The following DNAH8 variants were observed in gnomAD, a reference collection of about 807,000 sequenced individuals.
DNAH8 encodes dynein axonemal heavy chain 8, also known as axonemal beta dynein heavy chain 8.
In DNAH8, 382 loss-of-function variants were observed where a neutral mutation model predicts 562.1. The ratio of observed to expected loss-of-function variants is 0.68; its 90% CI spans 0.63 to 0.74. The LOEUF (loss-of-function observed/expected upper bound fraction) is 0.74, where lower values mean the gene tolerates loss of function less well. Among genes scored for constraint, DNAH8 ranks in the 30% least tolerant of loss-of-function variants. DNAH8 has a pLI of 0.00. For missense variants in DNAH8, 5,203 were observed against 5,620.4 expected (o/e 0.93, Z 2.37); for synonymous variants, 1,881 against 1,919.4 (o/e 0.98, Z 0.52).
At chr6:38,829,931 G>A (rs891395100) in intron 30 of DNAH8, among the ~76,000 whole-genome samples, 42 of 152,072 alleles carry the variant, frequency 2.8e-4, no homozygotes, top group Non-Finnish European at 5.9e-5. Context: ...TTTCTAGGTT[G>A]CCTGTTCACT....
At chr6:38,880,896 C>T (rs780679674) in intron 53 of DNAH8, among the ~76,000 whole-genome samples, 17 of 152,072 alleles carry the variant, frequency 1.1e-4, no homozygotes, top group African/African-American at 2.9e-4. Flanking sequence ...TGCGTGGTGG[C>T]GGGTGCCTGT....
chr6:39,011,859 A>G (rs1055009608), intron 89 of DNAH8, among the ~76,000 whole-genome samples: 1 of 152,196 alleles, frequency 6.6e-6, no homozygotes, highest in Non-Finnish European at 1.5e-5. Flanking sequence ...AAAAAATTCC[A>G]CTGTACCCCT....
Position 39,026,631 on chromosome 6 carries a change from G to T in DNAH8, c.13800G>T (p.Leu4600=), listed in dbSNP as rs1767307475. ...LDTVTIHNEV[L]RQTKEEITSP... Reference sequence around the variant, plus strand: ...CTGTGACCATCCACAATGAAGTTCTGAGACAGACCAAGGAGGAGATCACGT... The same window carrying T: ...CTGTGACCATCCACAATGAAGTTCTTAGACAGACCAAGGAGGAGATCACGT... Residue 4600 remains leucine, a synonymous_variant, in exon 92 of 93, where the codon CTG becomes CTT. Coordinates refer to ENST00000327475, the MANE Select transcript of DNAH8 (RefSeq NM_001206927.2). 1.2e-6 allele frequency: 2 copies of T among 1,613,740 alleles called. No homozygotes were observed. Among genetic ancestry groups the T allele is most frequent in the East Asian group, 4.5e-5 (2 of 44,886 alleles).
intron 9 of DNAH8, among the ~76,000 whole-genome samples, chr6:38,753,367 A>T (rs1164037067): frequency 6.6e-6 from 1 of 152,182 alleles, no homozygotes; most frequent in African/African-American, 2.4e-5. Flanking sequence ...TCCAAGAAAA[A>T]TTAAAATTAT....
At chr6:38,878,820 A>C (rs1778226193) in intron 53 of DNAH8, among the ~76,000 whole-genome samples, 1 of 152,206 alleles carries the variant, frequency 6.6e-6, no homozygotes, top group African/African-American at 2.4e-5. Context: ...TGTGTTGTAC[A>C]TTTCAAAATT....
intron 91 of DNAH8, among the ~76,000 whole-genome samples, chr6:39,013,722 G>T (rs143061651): frequency 0.11 from 16,536 of 152,136 alleles, 1,085 homozygotes; most frequent in Admixed American, 0.2. Context: ...GTGGTGGCAT[G>T]TGCCTGTAGT....
At chr6:38,858,105 G>A (rs1344590950) in intron 42 of DNAH8, among the ~76,000 whole-genome samples, 2 of 152,208 alleles carry the variant, frequency 1.3e-5, no homozygotes, top group African/African-American at 4.8e-5. Flanking sequence ...TGTTCGTCCA[G>A]TTGATGGTGA....
chr6:39,028,797 A>T (rs1767468316), intron 92 of DNAH8, among the ~76,000 whole-genome samples: 1 of 152,206 alleles, frequency 6.6e-6, no homozygotes, highest in Non-Finnish European at 1.5e-5. Flanking sequence ...TGAGTTAATG[A>T]TGGTAACCAT....
intron 83 of DNAH8, among the ~76,000 whole-genome samples, chr6:38,973,345 C>T (rs750904981): frequency 1.3e-5 from 2 of 152,088 alleles, no homozygotes; most frequent in Non-Finnish European, 2.9e-5. Context: ...TTACTGATTC[C>T]AAAATACCCG....
chr6:39,012,911 G>A (rs149726574), intron 91 of DNAH8, among the ~76,000 whole-genome samples: 1 of 152,140 alleles, frequency 6.6e-6, no homozygotes, highest in African/African-American at 2.4e-5. Context: ...CTGGGGTTAG[G>A]ACACATGAAA....
At chr6:38,788,716 C>T (rs1350643296) in intron 18 of DNAH8, among the ~76,000 whole-genome samples, 1 of 151,764 alleles carries the variant, frequency 6.6e-6, no homozygotes, top group Non-Finnish European at 1.5e-5. Flanking sequence ...ATTTTTTCTC[C>T]CATTCTTTGG....
At chr6:38,788,591 C>A (rs962587736) in intron 18 of DNAH8, among the ~76,000 whole-genome samples, 3 of 152,162 alleles carry the variant, frequency 2.0e-5, no homozygotes, top group African/African-American at 7.2e-5. Flanking sequence ...TTTCGTTCAG[C>A]AGCATCTATT....
In DNAH8 at chr6:38,945,558, A is replaced by G. The variant is rs752150970; in HGVS notation, c.12099A>G (p.Lys4033=). ...GGCTGAATCTTGTGGAGCTGAGTAA[A>G]CTTCCACAATTTGCAGAAATTATGA... The part of the protein sequence containing the change: ...MTWLNLVELS[K]LPQFAEIMNQ... Residue 4033 remains lysine, a synonymous_variant, in exon 80 of 93, where the codon AAA becomes AAG. Transcript: ENST00000327475. The G allele has an allele frequency of 6.2e-7, 1 of 1,614,126 alleles. No individual in the cohort carries two copies. The highest frequency in any genetic ancestry group is 8.5e-7 in the Non-Finnish European group (1 of 1,180,012).
At chr6:38,969,983 G>A (rs565551081) in intron 82 of DNAH8, among the ~76,000 whole-genome samples, 2 of 152,152 alleles carry the variant, frequency 1.3e-5, no homozygotes, top group African/African-American at 4.8e-5. Context: ...GGCAAGAGGT[G>A]GCGGTCACTT....
At chr6:38,940,400 TG>T (rs1783344472) in intron 79 of DNAH8, among the ~76,000 whole-genome samples, 1 of 151,794 alleles carries the variant, frequency 6.6e-6, no homozygotes, top group African/African-American at 2.4e-5. Context: ...AGGGTTGGAG[TG>T]GGGGATTGCT....
rs746765756 is a variant in DNAH8 at position 38,938,815 on chromosome 6, T to G, written c.11834T>G (p.Leu3945Arg). 6.2e-7 allele frequency: 1 copy of G among 1,606,268 alleles called. No homozygotes were observed. The highest frequency in any genetic ancestry group is 8.5e-7 in the Non-Finnish European group (1 of 1,175,988). The part of the protein sequence containing the change: ...QSMARSEKSP[L>R]PQKRITNIIE... ...TGTTTCAGATCTGAAAAGTCACCAC[T>G]ACCTCAAAAGAGAATTACAAATATT... Residue 3945 changes from leucine (L) to arginine (R), a missense_variant, in exon 79 of 93, where the codon CTA (leucine) becomes CGA (arginine). By Grantham distance (102) the Leu-to-Arg change is moderately radical (BLOSUM62 -2). This residue lies in a region of DNAH8 where 1,399 missense variants were observed against 1,518.4 expected (regional missense o/e 0.92). Transcript: ENST00000327475.
chr6:38,801,608 C>A (rs1189404946), intron 21 of DNAH8, among the ~76,000 whole-genome samples: 1 of 152,220 alleles, frequency 6.6e-6, no homozygotes, highest in Non-Finnish European at 1.5e-5. Flanking sequence ...AAGTGGCTTC[C>A]AGCCTCCGTT....
chr6:38,878,828 A>G (rs1033034294), intron 53 of DNAH8, among the ~76,000 whole-genome samples: 3 of 152,324 alleles, frequency 2.0e-5, no homozygotes, highest in South Asian at 4.1e-4. Flanking sequence ...ACATTTCAAA[A>G]TTGCTAAGAG....
chr6:38,722,579 TGGGG>T (rs1491300577), intron 1 of DNAH8, among the ~76,000 whole-genome samples, 193 bp from the exon 2 acceptor site: 4 of 122,846 alleles, frequency 3.3e-5, no homozygotes, highest in Non-Finnish European at 5.4e-5. Flanking sequence ...CCCAGGTGGG[TGGGG>T]GTGTGTGTGT....
Sources: allele counts gnomAD v4.1 joint callset (sites outside exome capture counted in the v4.1 genomes callset), GRCh38; gene constraint gnomAD v4.1.1; regional missense constraint gnomAD v4.1.1; transcripts MANE v1.5; gene names NCBI Gene and HGNC (gene_info 2026-07-23, HGNC 2026-07-21).